The following ANO10 variants were observed in gnomAD, a reference collection of about 807,000 sequenced individuals.
ANO10 encodes the protein anoctamin 10.
In ANO10, 77 loss-of-function variants were observed where a neutral mutation model predicts 74.7. The observed-to-expected ratio is 1.03, with a 90% CI of 0.86 to 1.25. The LOEUF (loss-of-function observed/expected upper bound fraction) is 1.25, where lower values mean the gene tolerates loss of function less well. ANO10 is among the 50% of genes most tolerant of loss of function. ANO10 has a pLI of 0.00. For synonymous variants in ANO10, 279 were observed against 284.9 expected, an observed-to-expected ratio of 0.98 and a Z score of 0.21; for missense variants, 721 against 778.1, an observed-to-expected ratio of 0.93 and a Z score of 0.87.
rs983825612 is a variant in ANO10, at chr3:43,680,927, A to C, written c.-12+10590T>G. 3.9e-4 allele frequency among the ~76,000 whole-genome samples: 59 copies of C among 152,328 alleles called. 1 individual carries two copies. The Middle Eastern group carries it at 0.01, about 26-fold the overall frequency. On this transcript the variant is annotated intron_variant, in intron 1 of 3. Transcript: ENST00000413397. ...CTGCCCTAAAAGAGCTCCTGAAGGAAGCACTAAACATGGAAAGGAACAACT... is the reference window on the plus strand; with the variant it reads ...CTGCCCTAAAAGAGCTCCTGAAGGACGCACTAAACATGGAAAGGAACAACT...
intron 11 of ANO10, among the ~76,000 whole-genome samples, chr3:43,498,379 T>G (rs1458109526): frequency 1.3e-5 from 2 of 152,172 alleles, no homozygotes; most frequent in Non-Finnish European, 2.9e-5. Context: ...TCCAGCTGAT[T>G]GAGGGAAGAA....
chr3:43,377,877 T>A (rs1313940080), intron 12 of ANO10, among the ~76,000 whole-genome samples: 1 of 152,116 alleles, frequency 6.6e-6, no homozygotes, highest in East Asian at 1.9e-4. Context: ...GAATAAACAC[T>A]CTAGAAATCA....
chr3:43,462,744 A>C (rs1163537807), intron 11 of ANO10, among the ~76,000 whole-genome samples: 2 of 152,234 alleles, frequency 1.3e-5, no homozygotes, highest in Non-Finnish European at 2.9e-5. Context: ...CTCCCATCAC[A>C]GGCCAGGAGG....
At chr3:43,367,264 G>C (rs2091445186) in intron 12 of ANO10, among the ~76,000 whole-genome samples, 1 of 152,216 alleles carries the variant, frequency 6.6e-6, no homozygotes, top group Admixed American at 6.5e-5. Context: ...CAGGATGAGG[G>C]GAATAGGCGG....
intron 1 of ANO10, among the ~76,000 whole-genome samples, chr3:43,644,080 AT>A (rs1420562223): frequency 6.6e-6 from 1 of 151,382 alleles, no homozygotes; most frequent in Non-Finnish European, 1.5e-5. Context: ...TCTTTCCCTG[AT>A]TTTTTTGTTT....
chr3:43,413,285 C>A (rs80069675), intron 12 of ANO10, among the ~76,000 whole-genome samples: 1,728 of 152,178 alleles, frequency 0.011, 29 homozygotes, highest in African/African-American at 0.039. Flanking sequence ...CCTTGTTTGC[C>A]ATTGATATAG....
At chr3:43,568,202 C>A (rs930943665) in intron 7 of ANO10, among the ~76,000 whole-genome samples, 2 of 152,160 alleles carry the variant, frequency 1.3e-5, no homozygotes, top group Non-Finnish European at 2.9e-5. Flanking sequence ...TAGAGACCTA[C>A]AAAGAGACTT....
In ANO10 at chr3:43,598,575, G is replaced by C. The variant is rs139932436; in HGVS notation, c.429C>G (p.Ile143Met). 27 of 1,612,748 alleles carry C rather than the reference G, an allele frequency of 1.7e-5. No individual in the cohort carries two copies. In the African/African-American group the frequency reaches 3.5e-4, roughly 21 times the overall value. Residue 143 changes from isoleucine (I) to methionine (M), a missense_variant, in exon 4 of 13, where the codon ATC (isoleucine) becomes ATG (methionine). Physicochemically the swap from Ile to Met is conservative, Grantham distance 10. Transcript: ENST00000292246. ...ENLRAKDEKM[I>M]PGYPQAKLYP... is the part of the protein sequence containing the mutation. ...ACAACTTTGCCTGAGGGTAACCAGG[G>C]ATCATTTTTTCATCTTTAGCTCTAA...
chr3:43,571,299 T>C (rs2080701315), intron 7 of ANO10, among the ~76,000 whole-genome samples: 1 of 152,124 alleles, frequency 6.6e-6, no homozygotes, highest in Non-Finnish European at 1.5e-5. Flanking sequence ...GATCTAGAAC[T>C]GGAAATACCA....
In ANO10 at chr3:43,621,980, A is replaced by G. The variant is rs760135054; in HGVS notation, c.-83T>C. The G allele has an allele frequency of 5.5e-3, 841 of 152,436 alleles. 4 individuals carry two copies. Among genetic ancestry groups the G allele is most frequent in the Non-Finnish European group, 7.1e-3 (487 of 68,300 alleles). The allele number at this position is 152,436 out of a possible 1,614,324, so 9.4% of individuals were successfully genotyped here. On this transcript the variant is annotated 5_prime_UTR_variant, in exon 1 of 13. Coordinates refer to ENST00000292246, the MANE Select transcript of ANO10 (RefSeq NM_018075.5). ...GCGAGAACCGGAGGCCGGGCGAAAG[A>G]GTGCTCGGTGCGGGGGGCGGGCCAG...
intron 11 of ANO10, among the ~76,000 whole-genome samples, chr3:43,531,566 G>A (rs1173001813): frequency 6.6e-6 from 1 of 152,126 alleles, no homozygotes; most frequent in African/African-American, 2.4e-5. Context: ...AAAAATGTGT[G>A]ATCTGACGAT....
At chr3:43,582,705 T>TAG (rs768864244) in intron 4 of ANO10, among the ~76,000 whole-genome samples, 37 of 152,230 alleles carry the variant, frequency 2.4e-4, no homozygotes, top group Non-Finnish European at 4.7e-4. Context: ...TTTTAAAAGC[T>TAG]AGGTTTGTGA....
chr3:43,552,026 G>T (rs2079487409), intron 10 of ANO10, among the ~76,000 whole-genome samples: 2 of 152,048 alleles, frequency 1.3e-5, no homozygotes, highest in African/African-American at 4.8e-5. Flanking sequence ...TCTTACTGTG[G>T]TTTACTTGAA....
chr3:43,658,807 C>T (rs918066561), intron 1 of ANO10, among the ~76,000 whole-genome samples: 5 of 151,952 alleles, frequency 3.3e-5, no homozygotes, highest in African/African-American at 4.8e-5. Context: ...AGGTTCAAGA[C>T]GAGGCCAAAC....
chr3:43,459,065 A>T (rs1425623537), intron 11 of ANO10, among the ~76,000 whole-genome samples: 1 of 152,202 alleles, frequency 6.6e-6, no homozygotes, highest in Admixed American at 6.5e-5. Flanking sequence ...ATATATGAGA[A>T]GAGAAAGGCA....
intron 11 of ANO10, among the ~76,000 whole-genome samples, chr3:43,435,431 C>T (rs2093052000): frequency 6.6e-6 from 1 of 150,564 alleles, no homozygotes; most frequent in South Asian, 2.1e-4. Flanking sequence ...ATTGCTTGCA[C>T]TTGGAAGGCG....
chr3:43,372,904 T>G, intron 12 of ANO10: 1 of 1,500,754 alleles, frequency 6.7e-7, no homozygotes, highest in South Asian at 1.2e-5. Flanking sequence ...GTAATTCCGA[T>G]GAACTTGTGA....
intron 11 of ANO10, among the ~76,000 whole-genome samples, chr3:43,477,822 G>C (rs573793224): frequency 6.6e-6 from 1 of 152,076 alleles, no homozygotes; most frequent in Non-Finnish European, 1.5e-5. Context: ...TGCTCATTAC[G>C]GGCAGAAAAA....
intron 12 of ANO10, among the ~76,000 whole-genome samples, chr3:43,373,195 A>G (rs1389997739): frequency 2.6e-5 from 4 of 151,570 alleles, no homozygotes; most frequent in Non-Finnish European, 5.9e-5. Flanking sequence ...CATGGCTAGC[A>G]AGCTCAAGCT....
Sources: gnomAD v4.1 joint callset for allele counts (sites outside exome capture counted in the v4.1 genomes callset) on GRCh38, gnomAD v4.1.1 for gene constraint, MANE v1.5 for transcripts, NCBI Gene and HGNC (gene_info 2026-07-23, HGNC 2026-07-21) for gene names.